DPP6: variants seen among roughly 807,000 people sequenced by gnomAD.
DPP6 encodes A-type potassium channel modulatory protein DPP6.
A neutral mutation model predicts 122.6 loss-of-function variants in DPP6; 69 were observed. That is an observed-to-expected ratio of 0.56 (90% CI 0.46 to 0.69). The LOEUF is 0.69. DPP6 is among the 30% of genes least tolerant of loss of function. The pLI, the probability that DPP6 is intolerant of heterozygous loss-of-function variation, is 0.00. For synonymous variants in DPP6, 418 were observed against 433.1 expected (o/e 0.97, Z 0.43); for missense variants, 928 against 1,116.9 (o/e 0.83, Z 2.41).
chr7:154,200,307 C>T (rs1312643294), intron 1 of DPP6, among the ~76,000 whole-genome samples: 2 of 152,138 alleles, frequency 1.3e-5, no homozygotes, highest in East Asian at 1.9e-4. Context: ...TACTTAGGAT[C>T]TTCATTACCT....
At chr7:154,594,541 G>C (rs1300707731) in intron 5 of DPP6, among the ~76,000 whole-genome samples, 1 of 152,124 alleles carries the variant, frequency 6.6e-6, no homozygotes, top group Admixed American at 6.5e-5. Context: ...ATACCATTTG[G>C]ATTATTGAAT....
At chr7:153,813,935 T>C in the DPP6 span, among the ~76,000 whole-genome samples, 5 of 152,344 alleles carry the variant, frequency 3.3e-5, no homozygotes, top group East Asian at 1.9e-4. Flanking sequence ...CTTTGTCAGA[T>C]GAGTAGGTTG....
At chr7:154,122,697 A>G (rs1252276481) in intron 1 of DPP6, among the ~76,000 whole-genome samples, 9 of 152,126 alleles carry the variant, frequency 5.9e-5, no homozygotes, top group African/African-American at 1.2e-4. Flanking sequence ...TATTCTTTCT[A>G]CTGTCCATAG....
chr7:153,924,920 C>G (rs1800820254), intron 1 of DPP6, among the ~76,000 whole-genome samples: 1 of 152,178 alleles, frequency 6.6e-6, no homozygotes, highest in South Asian at 2.1e-4. Flanking sequence ...GCTTGTTGCG[C>G]AGCAGTCAAG....
At chr7:154,738,326 G>T (rs529951606) in intron 8 of DPP6, among the ~76,000 whole-genome samples, 2 of 152,318 alleles carry the variant, frequency 1.3e-5, no homozygotes, top group East Asian at 3.9e-4. Flanking sequence ...AGACTTCCTT[G>T]CTCCAAATCT....
rs754041261 is a variant in DPP6, at chr7:154,892,745, C to T, written c.*265C>T. The T allele has an allele frequency of 2.0e-5, 14 of 695,552 alleles. No homozygotes were observed. The highest frequency in any genetic ancestry group is 3.1e-5 in the Non-Finnish European group (12 of 386,662). 43.1% of individuals were successfully genotyped at this position (695,552 alleles called of 1,614,324 possible). A position where few individuals can be genotyped will look rare whatever the true frequency, so the allele number is the denominator to read the frequency against. Reference sequence around the variant, plus strand: ...CGGCGCCCGAGAGACCGGCACGCCACGGCCCCTCCCCCAAGGAACAGAGCA... The same window carrying T: ...CGGCGCCCGAGAGACCGGCACGCCATGGCCCCTCCCCCAAGGAACAGAGCA... On this transcript the variant is annotated 3_prime_UTR_variant, in exon 26 of 26. Transcript: ENST00000377770.
At chr7:154,011,986 TCAAAACACC>T (rs1798174727) in intron 1 of DPP6, among the ~76,000 whole-genome samples, 1 of 152,212 alleles carries the variant, frequency 6.6e-6, no homozygotes, top group Admixed American at 6.5e-5. Flanking sequence ...AATAACAATG[TCAAAACACC>T]TATCACTAAG....
At chr7:153,935,406 A>G (rs915594734) in intron 1 of DPP6, among the ~76,000 whole-genome samples, 4 of 152,044 alleles carry the variant, frequency 2.6e-5, no homozygotes, top group Non-Finnish European at 5.9e-5. Context: ...ACATCCCAGC[A>G]TTGAAATCCC....
chr7:153,815,249 A>G, the DPP6 span, among the ~76,000 whole-genome samples: 110,582 of 152,110 alleles, frequency 0.73, 41,205 homozygotes, highest in African/African-American at 0.9. Context: ...CTGATAAGCA[A>G]CTTCAGCAAA....
At chr7:154,646,682 G>A (rs146779774) in intron 6 of DPP6, among the ~76,000 whole-genome samples, 177 of 152,002 alleles carry the variant, frequency 1.2e-3, no homozygotes, top group African/African-American at 3.9e-3. Context: ...CTTTCTCTCC[G>A]TCATTCTAAG....
chr7:154,524,008 A>G (rs139220596), intron 3 of DPP6, among the ~76,000 whole-genome samples: 4 of 152,292 alleles, frequency 2.6e-5, no homozygotes, highest in African/African-American at 9.6e-5. Flanking sequence ...GATGTTCTGA[A>G]TTAATCACCT....
At chr7:153,924,172 A>G (rs6464373) in intron 1 of DPP6, among the ~76,000 whole-genome samples, 143,997 of 151,800 alleles carry the variant, frequency 0.95, 68,307 homozygotes, top group East Asian at 1. Context: ...CTGGAGTGCA[A>G]TGGCGCGATC....
the DPP6 span, among the ~76,000 whole-genome samples, chr7:153,856,098 A>G: frequency 1.3e-5 from 2 of 152,218 alleles, no homozygotes; most frequent in African/African-American, 2.4e-5. Context: ...ACTATCAGGC[A>G]GGTCAGATCA....
At chr7:154,507,277 T>G (rs1045221333) in intron 3 of DPP6, among the ~76,000 whole-genome samples, 1 of 88,434 alleles carries the variant, frequency 1.1e-5, no homozygotes, top group African/African-American at 3.8e-5. Flanking sequence ...GAAACCATAA[T>G]TTTTTTTTTT....
the DPP6 span, among the ~76,000 whole-genome samples, chr7:153,843,872 G>A: frequency 6.6e-6 from 1 of 152,102 alleles, no homozygotes; most frequent in African/African-American, 2.4e-5. Context: ...CTAGACAACC[G>A]GTCAGACCAG....
intron 1 of DPP6, among the ~76,000 whole-genome samples, chr7:154,385,213 C>T (rs1308007281): frequency 5.9e-5 from 9 of 152,186 alleles, no homozygotes; most frequent in Non-Finnish European, 8.8e-5. Flanking sequence ...TCATGATCCG[C>T]CCGCCTCGGC....
chr7:154,283,832 G>T (rs1021838506), intron 1 of DPP6, among the ~76,000 whole-genome samples: 2 of 152,140 alleles, frequency 1.3e-5, no homozygotes, highest in Non-Finnish European at 2.9e-5. Flanking sequence ...CTCTCTGTGG[G>T]ACATTTGCTC....
rs183682533 is a variant in DPP6, at chr7:154,599,629, T to A, written c.627+32713T>A. 2.8e-4 allele frequency among the ~76,000 whole-genome samples: 43 copies of A among 152,138 alleles called. No individual in the cohort carries two copies. In the East Asian group the frequency reaches 8.1e-3, roughly 29 times the overall value. Reference sequence around the variant, plus strand: ...TTGGTGTGCTGCACCCATTAACTCGTCATTTACATTAGGTATATCTCCTAA... The same window carrying A: ...TTGGTGTGCTGCACCCATTAACTCGACATTTACATTAGGTATATCTCCTAA... On this transcript the variant is annotated intron_variant, in intron 5 of 25. Transcript: ENST00000377770.
At position 154,282,437 on chromosome 7, in the gene DPP6, T is replaced by C. The variant is rs1804582075; in HGVS notation, c.244-163777T>C. ...TGATTAGCACTGTGCAATGTACTGA[T>C]TGGTACTGTGTAATTTTTAGGACCT... On this transcript the variant is annotated intron_variant, in intron 1 of 25. Coordinates refer to ENST00000377770, the MANE Select transcript of DPP6 (RefSeq NM_130797.4). The surrounding 1 kb of genome is among the most constrained non-coding windows in gnomAD (Gnocchi z 4.8). Among the ~76,000 whole-genome samples, 1 of 152,162 alleles carries C rather than the reference T, an allele frequency of 6.6e-6. No homozygotes were observed. Among genetic ancestry groups the C allele is most frequent in the African/African-American group, 2.4e-5 (1 of 41,444 alleles).
Sources: gnomAD v4.1 joint callset for allele counts (sites outside exome capture counted in the v4.1 genomes callset) on GRCh38, gnomAD v4.1.1 for gene constraint, Gnocchi (gnomAD v3.1) non-coding constraint, MANE v1.5 for transcripts, NCBI Gene and HGNC (gene_info 2026-07-23, HGNC 2026-07-21) for gene names.